The following ALOX5 variants were observed in gnomAD, a reference collection of about 807,000 sequenced individuals.
The protein encoded by ALOX5 is arachidonate 5-lipoxygenase.
In ALOX5, 64 loss-of-function variants were observed where a neutral mutation model predicts 87.9. The ratio of observed to expected loss-of-function variants is 0.73; its 90% CI spans 0.60 to 0.90. ALOX5 has a LOEUF of 0.90. Ranked by LOEUF, ALOX5 falls within the 40% of genes least tolerant of loss-of-function variation. The pLI, the probability that ALOX5 is intolerant of heterozygous loss-of-function variation, is 0.00. For missense variants in ALOX5, 822 were observed against 907.5 expected (o/e 0.91, Z 1.21); for synonymous variants, 388 against 355.1 (o/e 1.09, Z -1.04).
Position 45,395,836 on chromosome 10 carries a change from T to C in ALOX5, c.350-19T>C, listed in dbSNP as rs1840479527. The C allele has an allele frequency of 6.2e-7, 1 of 1,612,122 alleles. No individual in the cohort carries two copies. The highest frequency in any genetic ancestry group is 1.1e-5 in the South Asian group (1 of 91,064). On this transcript the variant is annotated intron_variant, in intron 2 of 13. Coordinates refer to ENST00000374391, the MANE Select transcript of ALOX5 (RefSeq NM_000698.5). ...ATTGTTCTTCCTCAGGCTCCTCTCA[T>C]GTTGTTCTTTCTTTACAGCAAAGTT...
intron 2 of ALOX5, among the ~76,000 whole-genome samples, chr10:45,391,708 GC>G (rs1840267337): frequency 6.6e-6 from 1 of 151,484 alleles, no homozygotes; most frequent in African/African-American, 2.4e-5. Context: ...CTGCCCAGCC[GC>G]CCATCATCTG....
intron 3 of ALOX5, 88 bp from the exon 4 acceptor site, chr10:45,412,103 A>T: frequency 4.5e-6 from 7 of 1,562,960 alleles, no homozygotes; most frequent in Non-Finnish European, 6.1e-6. Flanking sequence ...CCTGTGTAAC[A>T]TCGTCTGACA....
At chr10:45,390,659 A>T (rs184199584) in intron 2 of ALOX5, among the ~76,000 whole-genome samples, 1 of 152,328 alleles carries the variant, frequency 6.6e-6, no homozygotes, top group Admixed American at 6.5e-5. Flanking sequence ...CAAAGACACA[A>T]CATACCAGAA....
intron 7 of ALOX5, among the ~76,000 whole-genome samples, chr10:45,439,191 T>C (rs1243391326): frequency 3.9e-5 from 6 of 152,358 alleles, no homozygotes; most frequent in African/African-American, 1.4e-4. Context: ...TTTATTAATA[T>C]GGCTTCCTGA....
chr10:45,439,824 C>T (rs1842170886), intron 7 of ALOX5, among the ~76,000 whole-genome samples: 1 of 152,236 alleles, frequency 6.6e-6, no homozygotes, highest in African/African-American at 2.4e-5. Flanking sequence ...GGTCCAGCCT[C>T]TGCTACAGGA....
At chr10:45,440,359 G>C in intron 7 of ALOX5, 71 bp from the exon 8 acceptor site, 1 of 1,493,810 alleles carries the variant, frequency 6.7e-7, no homozygotes, top group South Asian at 1.2e-5. Flanking sequence ...CTTCCCAAGA[G>C]GCGAAGTTCT....
chr10:45,389,087 G>A (rs941659583), intron 2 of ALOX5, among the ~76,000 whole-genome samples: 21 of 152,302 alleles, frequency 1.4e-4, no homozygotes, highest in Non-Finnish European at 2.5e-4. Flanking sequence ...GTAAGAAAGG[G>A]TATCAGTGAC....
chr10:45,385,991 C>A (rs187763096), intron 2 of ALOX5, among the ~76,000 whole-genome samples: 211 of 152,154 alleles, frequency 1.4e-3, no homozygotes, highest in Middle Eastern at 6.8e-3. Flanking sequence ...TTGTTTGAGT[C>A]TAGGATTTTG....
intron 1 of ALOX5, among the ~76,000 whole-genome samples, chr10:45,377,301 C>A (rs1017471340): frequency 6.6e-6 from 1 of 152,008 alleles, no homozygotes; most frequent in African/African-American, 2.4e-5. Context: ...TCTCATCTCC[C>A]AGTCTCCCCC....
chr10:45,436,039 TC>T (rs1473153845), intron 7 of ALOX5, among the ~76,000 whole-genome samples: 1 of 152,264 alleles, frequency 6.6e-6, no homozygotes, highest in Non-Finnish European at 1.5e-5. Context: ...GGGCATTTTT[TC>T]ATATGTTTGT....
At chr10:45,419,607 C>T (rs549502542) in intron 4 of ALOX5, among the ~76,000 whole-genome samples, 1 of 152,344 alleles carries the variant, frequency 6.6e-6, no homozygotes, top group African/African-American at 2.4e-5. Flanking sequence ...GGAGTGGGTG[C>T]GGAGGCTCAC....
At chr10:45,412,154 G>A (rs1841086610) in intron 3 of ALOX5, 37 bp from the exon 4 acceptor site, 2 of 1,613,414 alleles carry the variant, frequency 1.2e-6, no homozygotes, top group Non-Finnish European at 1.7e-6. Flanking sequence ...CCAAAGGCTG[G>A]CATTTAACTC....
At chr10:45,380,915 C>T (rs188067427) in intron 1 of ALOX5, among the ~76,000 whole-genome samples, 19 of 152,338 alleles carry the variant, frequency 1.2e-4, no homozygotes, top group African/African-American at 3.8e-4. Context: ...GCACTCCAGC[C>T]TGAGCAACAC....
At position 45,445,142 on chromosome 10, in the gene ALOX5, C is replaced by G. The variant is rs374274950; in HGVS notation, c.1846-366C>G. Reference sequence around the variant, plus strand: ...GGAGAGGCCAGTGCTGGCCCCAGCGCCCCTGATGGGAGGTGAGAGTGCTGC... The same window carrying G: ...GGAGAGGCCAGTGCTGGCCCCAGCGGCCCTGATGGGAGGTGAGAGTGCTGC... On this transcript the variant is annotated intron_variant, in intron 13 of 13. Coordinates refer to ENST00000374391, the MANE Select transcript of ALOX5 (RefSeq NM_000698.5). Among the ~76,000 whole-genome samples, 883 of 152,346 alleles carry G rather than the reference C, an allele frequency of 5.8e-3. 10 individuals are homozygous for G. The highest frequency in any genetic ancestry group is 0.02 in the African/African-American group (846 of 41,576).
intron 3 of ALOX5, among the ~76,000 whole-genome samples, chr10:45,397,113 T>C (rs1047546588): frequency 6.6e-6 from 1 of 152,248 alleles, no homozygotes; most frequent in South Asian, 2.1e-4. Context: ...CTGGGCGTGG[T>C]GGTTCACACC....
chr10:45,424,934 G>T (rs868088107), intron 5 of ALOX5, 26 bp from the exon 6 acceptor site: 2 of 1,613,310 alleles, frequency 1.2e-6, no homozygotes, highest in Non-Finnish European at 1.7e-6. Context: ...CAGAGCTCAG[G>T]GTGGGCCTCG....
intron 11 of ALOX5, 23 bp downstream of exon 11, chr10:45,443,560 G>C: frequency 6.2e-7 from 1 of 1,604,024 alleles, no homozygotes; most frequent in South Asian, 1.1e-5. Context: ...GGACGTCTCC[G>C]GACCCGGCTC....
intron 13 of ALOX5, 160 bp downstream of exon 13, chr10:45,444,446 C>A (rs907178097): frequency 2.0e-6 from 2 of 1,005,618 alleles, no homozygotes; most frequent in Non-Finnish European, 1.4e-6. Context: ...GCCACCAGGT[C>A]CCCCGGCCTC....
intron 1 of ALOX5, among the ~76,000 whole-genome samples, chr10:45,379,329 C>T (rs999248681): frequency 3.3e-5 from 5 of 152,150 alleles, no homozygotes; most frequent in African/African-American, 1.2e-4. Context: ...ACTTCCCCTG[C>T]AGCAGCCACA....
Sources: allele counts gnomAD v4.1 joint callset (sites outside exome capture counted in the v4.1 genomes callset), GRCh38; gene constraint gnomAD v4.1.1; transcripts MANE v1.5; gene names NCBI Gene and HGNC (gene_info 2026-07-23, HGNC 2026-07-21).